LFNG: variants seen among roughly 807,000 people sequenced by gnomAD.
LFNG encodes the protein beta-1,3-N-acetylglucosaminyltransferase lunatic fringe.
In LFNG, 15 loss-of-function variants were observed where a neutral mutation model predicts 32.7. The observed-to-expected ratio is 0.46, with a 90% CI of 0.31 to 0.71. The LOEUF is 0.71. Ranked by LOEUF, LFNG falls within the 30% of genes least tolerant of loss-of-function variation. LFNG has a pLI of 0.06. For missense variants in LFNG, 520 were observed against 545.7 expected, an observed-to-expected ratio of 0.95 and a Z score of 0.47; for synonymous variants, 274 against 246.8, an observed-to-expected ratio of 1.11 and a Z score of -1.03.
chr7:2,513,393 C>G (rs191991969), upstream of LFNG: 337 of 1,487,080 alleles, frequency 2.3e-4, 1 homozygote, highest in Admixed American at 3.4e-3. Context: ...CCTGGAATAT[C>G]CTTTGATGCT....
In LFNG at chr7:2,526,821, G is replaced by C. The variant is rs775971890; in HGVS notation, c.988-15G>C. 6.2e-7 allele frequency: 1 copy of C among 1,611,600 alleles called. No homozygotes were observed. Among genetic ancestry groups the C allele is most frequent in the South Asian group, 1.1e-5 (1 of 91,018 alleles). On this transcript the variant is annotated splice_polypyrimidine_tract_variant and intron_variant, in intron 6 of 7. Coordinates refer to ENST00000222725, the MANE Select transcript of LFNG (RefSeq NM_001040167.2). This position sits in a 1 kb window ranked among gnomAD's most constrained non-coding sequence, Gnocchi z 6.9. ...GTCGGGCCCCTCCCGGCATCACTCC[G>C]CCCGCTCCCCACAGGTGACGCTGAG...
chr7:2,523,179 G>A lies in LFNG; in HGVS notation c.433-1516G>A, dbSNP rs942014484. On this transcript the variant is annotated intron_variant, in intron 1 of 7. Coordinates refer to ENST00000222725, the MANE Select transcript of LFNG (RefSeq NM_001040167.2). ...TTTTAACCCAGCGGCGCAGTGGAGC[G>A]TCTGCAGGGGCTGGCCCTCCGCCTC... 1.1e-4 allele frequency among the ~76,000 whole-genome samples: 17 copies of A among 152,348 alleles called. No homozygotes were observed. In the East Asian group the frequency reaches 1.9e-3, roughly 17 times the overall value.
upstream of LFNG, chr7:2,513,361 C>G (rs1779537941): frequency 7.7e-6 from 12 of 1,555,300 alleles, no homozygotes; most frequent in Non-Finnish European, 1.0e-5. Context: ...CATAACCTCC[C>G]CTTCTTCTGC....
chr7:2,516,154 G>C (rs111916233), upstream of LFNG, among the ~76,000 whole-genome samples: 1,678 of 152,346 alleles, frequency 0.011, 16 homozygotes, highest in Middle Eastern at 0.085. Flanking sequence ...GGAGGTGCAG[G>C]CTTGCCCGAG....
chr7:2,528,837 G>A (rs896389660), downstream of LFNG: 17 of 608,330 alleles, frequency 2.8e-5, no homozygotes, highest in East Asian at 3.5e-4. Context: ...CTCCTGCCAC[G>A]AGCTCACAGA....
At chr7:2,519,070 C>T (rs905310680), upstream of LFNG, among the ~76,000 whole-genome samples, 2 of 152,174 alleles carry the variant, frequency 1.3e-5, no homozygotes, top group African/African-American at 4.8e-5. Context: ...CTTCGTTTCT[C>T]CTCGCCATGG....
At position 2,520,114 on chromosome 7, in the gene LFNG, C is replaced by A; in HGVS notation, c.253C>A (p.Arg85Ser). 1 of 1,350,626 alleles carries A rather than the reference C, an allele frequency of 7.4e-7. No homozygotes were observed. The highest frequency in any genetic ancestry group is 9.6e-7 in the Non-Finnish European group (1 of 1,041,312). 83.7% of individuals were successfully genotyped at this position (1,350,626 alleles called of 1,614,324 possible). The change falls in exon 1 of 8, where the codon CGC becomes AGC. Residue 85 changes from arginine to serine, a missense_variant. Arg to Ser is a moderately radical substitution (Grantham distance 110, BLOSUM62 -1). This residue lies in a region of LFNG where 360 missense variants were observed against 354.7 expected (regional missense o/e 1.01). Coordinates refer to ENST00000222725, the MANE Select transcript of LFNG (RefSeq NM_001040167.2). This position sits in a 1 kb window ranked among gnomAD's most constrained non-coding sequence, Gnocchi z 5.0. Reference protein sequence around the residue: ...SEYFSLLTRARRDAGPPPGAA... With the variant: ...SEYFSLLTRASRDAGPPPGAA... Reference sequence around the variant, plus strand: ...GTACTTCAGCCTGCTCACCCGCGCGCGCAGAGATGCGGGCCCGCCGCCCGG... The same window carrying A: ...GTACTTCAGCCTGCTCACCCGCGCGAGCAGAGATGCGGGCCCGCCGCCCGG...
At chr7:2,525,353 C>G (rs751694086) in intron 3 of LFNG, 35 bp downstream of exon 3, 7 of 1,611,844 alleles carry the variant, frequency 4.3e-6, no homozygotes, top group Non-Finnish European at 5.9e-6. Context: ...CATCTCCCTG[C>G]CCGAGCCTGG....
At chr7:2,514,229 G>T (rs755154293), upstream of LFNG, among the ~76,000 whole-genome samples, 1 of 152,224 alleles carries the variant, frequency 6.6e-6, no homozygotes, top group Non-Finnish European at 1.5e-5. Flanking sequence ...TGCTCCCCAG[G>T]GCTGGGCATT....
At chr7:2,517,994 G>C, upstream of LFNG, 1 of 926,538 alleles carries the variant, frequency 1.1e-6, no homozygotes, top group Non-Finnish European at 1.4e-6. Context: ...AAGTGATTCA[G>C]GGAAGAGATG....
chr7:2,528,246 G>A lies in LFNG; in HGVS notation c.*1034G>A. ...CCCATCCCTGCCCTCCTCCTGTGTA[G>A]CTGCCACCTCCCCGCTGGGCCCAGC... On this transcript the variant is annotated 3_prime_UTR_variant, in exon 8 of 8. Coordinates refer to ENST00000222725, the MANE Select transcript of LFNG (RefSeq NM_001040167.2). The A allele has an allele frequency of 1.0e-6, 1 of 986,008 alleles. No homozygotes were observed. Among genetic ancestry groups the A allele is most frequent in the Non-Finnish European group, 1.2e-6 (1 of 830,012 alleles). The allele number at this position is 986,008 out of a possible 1,614,324, so 61.1% of individuals were successfully genotyped here. A position where few individuals can be genotyped will look rare whatever the true frequency, so the allele number is the denominator to read the frequency against.
intron 2 of LFNG, 29 bp downstream of exon 2, chr7:2,524,772 G>C (rs928314779): frequency 1.3e-6 from 2 of 1,559,650 alleles, no homozygotes; most frequent in African/African-American, 2.7e-5. Flanking sequence ...GCGGGAGGGG[G>C]CCCAGGCCTC....
chr7:2,513,059 G>A, upstream of LFNG: 1 of 1,187,410 alleles, frequency 8.4e-7, no homozygotes, highest in Non-Finnish European at 1.2e-6. Flanking sequence ...CCCAGCCCCA[G>A]CCCACAGTGG....
intron 1 of LFNG, among the ~76,000 whole-genome samples, chr7:2,522,532 G>A (rs1029942429): frequency 2.0e-5 from 3 of 152,146 alleles, no homozygotes; most frequent in Admixed American, 1.3e-4. Context: ...TCTTTGAATC[G>A]CGGCTCCAGG....
chr7:2,518,375 C>G (rs999898294), upstream of LFNG, among the ~76,000 whole-genome samples: 1 of 152,184 alleles, frequency 6.6e-6, no homozygotes, highest in East Asian at 1.9e-4. Context: ...GCCTGGGAAC[C>G]CCCATCCCCC....
At chr7:2,525,183 G>A in intron 2 of LFNG, 36 bp from the exon 3 acceptor site, 1 of 1,581,010 alleles carries the variant, frequency 6.3e-7, no homozygotes, top group African/African-American at 1.3e-5. Flanking sequence ...CTGGGAGCCG[G>A]CTCAGACCTA....
downstream of LFNG, chr7:2,528,790 C>A: frequency 1.5e-6 from 1 of 655,980 alleles, no homozygotes; most frequent in South Asian, 1.6e-5. Flanking sequence ...GACAGTGACT[C>A]CTGTGACCGG....
upstream of LFNG, chr7:2,518,723 C>T: frequency 7.4e-7 from 1 of 1,354,212 alleles, no homozygotes; most frequent in East Asian, 2.4e-5. Context: ...CGCAGAGACC[C>T]TGCTTAGGAG....
At chr7:2,519,435 T>G (rs1779713102), upstream of LFNG, among the ~76,000 whole-genome samples, 1 of 151,726 alleles carries the variant, frequency 6.6e-6, no homozygotes, top group Non-Finnish European at 1.5e-5. Flanking sequence ...GGCGCGCCCC[T>G]CCCGTGCCGG....
Sources: allele counts gnomAD v4.1 joint callset (sites outside exome capture counted in the v4.1 genomes callset), GRCh38; gene constraint gnomAD v4.1.1; regional missense constraint gnomAD v4.1.1; non-coding constraint Gnocchi (gnomAD v3.1); transcripts MANE v1.5; gene names NCBI Gene and HGNC (gene_info 2026-07-23, HGNC 2026-07-21).